The following ZNF644 variants were observed in gnomAD, a reference collection of about 807,000 sequenced individuals.
ZNF644 encodes the protein zinc finger protein 644.
In ZNF644, 20 loss-of-function variants were observed where a neutral mutation model predicts 108.0. That is an observed-to-expected ratio of 0.19 (90% CI 0.13 to 0.27). The LOEUF is 0.27. Among genes scored for constraint, ZNF644 ranks in the 10% least tolerant of loss-of-function variants. ZNF644 has a pLI of 1.00. For synonymous variants in ZNF644, 542 were observed against 539.1 expected, an observed-to-expected ratio of 1.01 and a Z score of -0.08; for missense variants, 1,338 against 1,548.9, an observed-to-expected ratio of 0.86 and a Z score of 2.29.
In ZNF644 at chr1:90,938,897, A is replaced by G. The variant is rs1431939313; in HGVS notation, c.2457T>C (p.Ser819=). 6.2e-7 allele frequency: 1 copy of G among 1,613,962 alleles called. No homozygotes were observed. The highest frequency in any genetic ancestry group is 1.7e-5 in the Admixed American group (1 of 60,012). The change falls in exon 3 of 6, where the codon AGT becomes AGC. Residue 819 remains serine (S), a synonymous_variant. Transcript: ENST00000337393. This position sits in a 1 kb window ranked among gnomAD's most constrained non-coding sequence, Gnocchi z 4.2. ...TATCCAAGTCTTCCCCTCCAACAGAACTTTCCTTCTTAGATTCCTTAATTA... is the reference window on the plus strand; with the variant it reads ...TATCCAAGTCTTCCCCTCCAACAGAGCTTTCCTTCTTAGATTCCTTAATTA... ...KRVIKESKKE[S]SVGGEDLDSY... is the part of the protein sequence containing the mutation.
At chr1:91,006,454 C>G (rs1014004558) in intron 1 of ZNF644, among the ~76,000 whole-genome samples, 1 of 152,120 alleles carries the variant, frequency 6.6e-6, no homozygotes. Context: ...TCCCTGGAAT[C>G]TGGGGAACAT....
chr1:90,931,728 C>T (rs959907249), intron 4 of ZNF644, among the ~76,000 whole-genome samples: 1 of 152,064 alleles, frequency 6.6e-6, no homozygotes, highest in Non-Finnish European at 1.5e-5. Context: ...TTTCCCCCAT[C>T]GGTTCCTTTT....
intron 2 of ZNF644, among the ~76,000 whole-genome samples, chr1:90,971,011 A>C (rs1655407336): frequency 6.6e-6 from 1 of 151,488 alleles, no homozygotes; most frequent in African/African-American, 2.4e-5. Flanking sequence ...AAAAAAAAAA[A>C]AAAAAAACAC....
At chr1:90,930,207 A>G (rs1415162190) in intron 4 of ZNF644, among the ~76,000 whole-genome samples, 1 of 152,118 alleles carries the variant, frequency 6.6e-6, no homozygotes, top group African/African-American at 2.4e-5. Flanking sequence ...AATCACTTGA[A>G]CCTGGGAGGC....
At chr1:90,917,060 T>G (rs556934611) in intron 5 of ZNF644, 70 bp from the exon 6 acceptor site, 1 of 1,481,980 alleles carries the variant, frequency 6.7e-7, no homozygotes, top group South Asian at 1.2e-5. Context: ...CACAAAATCC[T>G]AAAACATAAG....
intron 2 of ZNF644, among the ~76,000 whole-genome samples, chr1:90,977,176 T>C (rs1401869608): frequency 6.6e-6 from 1 of 152,116 alleles, no homozygotes; most frequent in Non-Finnish European, 1.5e-5. Context: ...GTAAAAGACA[T>C]CAGATTTTAA....
intron 1 of ZNF644, among the ~76,000 whole-genome samples, chr1:90,996,111 T>G (rs971127581): frequency 2.6e-5 from 4 of 152,174 alleles, no homozygotes; most frequent in African/African-American, 9.7e-5. Context: ...CAGTCACATT[T>G]GGAATCAGGG....
At position 90,950,292 on chromosome 1, in the gene ZNF644, A is replaced by AGGGGAGGGGAGGGGAGGGC. The variant is rs1557588188; in HGVS notation, c.45-8984_45-8983insGCCCTCCCCTCCCCTCCCC. On this transcript the variant is annotated intron_variant, in intron 2 of 5. Transcript: ENST00000337393. ...ATTCCATCTCAAGGGAAGGGAAGGG[A>AGGGGAGGGGAGGGGAGGGC]AGGGGAGGGGAGGGGACAAAAGAAA... Among the ~76,000 whole-genome samples the AGGGGAGGGGAGGGGAGGGC allele has an allele frequency of 9.8e-4, 2 of 2,036 alleles. 1 individual carries two copies. The highest frequency in any genetic ancestry group is 1.5e-3 in the Non-Finnish European group (2 of 1,334). The allele number at this position is 2,036 out of a possible 152,430, so 1.3% of individuals were successfully genotyped here. A position where few individuals can be genotyped will look rare whatever the true frequency, so the allele number is the denominator to read the frequency against.
intron 2 of ZNF644, among the ~76,000 whole-genome samples, chr1:90,947,388 G>T (rs1190630765): frequency 1.3e-5 from 2 of 152,210 alleles, no homozygotes; most frequent in Non-Finnish European, 2.9e-5. Flanking sequence ...CAAATATTTT[G>T]ACCACATTTG....
intron 1 of ZNF644, among the ~76,000 whole-genome samples, chr1:90,989,820 T>C (rs1486999951): frequency 2.0e-5 from 3 of 152,150 alleles, no homozygotes; most frequent in Non-Finnish European, 4.4e-5. Context: ...TCTGGGCATA[T>C]ACACAAAGAA....
chr1:91,002,018 G>T (rs905019524), intron 1 of ZNF644, among the ~76,000 whole-genome samples: 5 of 152,144 alleles, frequency 3.3e-5, no homozygotes, highest in Non-Finnish European at 5.9e-5. Flanking sequence ...ATTGCTCAAC[G>T]AAATAAAAGA....
chr1:90,941,108 T>C lies in ZNF644; in HGVS notation c.246A>G (p.Lys82=). ...GGCCTCCACTTAAGGCGTTTTCAGA[T>C]TTGTCCTTTGACAGTTCTTCAGGCA... The part of the protein sequence containing the change: ...LTLPEELSKD[K]SENALSGGQS... Residue 82 remains lysine (K), a synonymous_variant, in exon 3 of 6, where the codon AAA becomes AAG. Transcript: ENST00000337393. 6.2e-7 allele frequency: 1 copy of C among 1,614,140 alleles called. No individual in the cohort carries two copies. The highest frequency in any genetic ancestry group is 8.5e-7 in the Non-Finnish European group (1 of 1,179,972).
At chr1:90,993,757 G>T (rs1280633637) in intron 1 of ZNF644, among the ~76,000 whole-genome samples, 2 of 152,134 alleles carry the variant, frequency 1.3e-5, no homozygotes, top group Admixed American at 6.6e-5. Flanking sequence ...AAATCATTTT[G>T]TAAGTAATGT....
intron 1 of ZNF644, among the ~76,000 whole-genome samples, chr1:90,996,230 A>G (rs998145499): frequency 2.0e-5 from 3 of 152,368 alleles, no homozygotes; most frequent in African/African-American, 7.2e-5. Context: ...AAATAATTTA[A>G]AACTCCCAAA....
intron 4 of ZNF644, among the ~76,000 whole-genome samples, chr1:90,923,507 G>A (rs962986790): frequency 6.6e-6 from 1 of 152,066 alleles, no homozygotes; most frequent in Non-Finnish European, 1.5e-5. Context: ...AAAAAGCAAT[G>A]TTTCCCTTAC....
chr1:91,017,167 T>C lies in ZNF644; in HGVS notation c.-18+4823A>G, dbSNP rs1020692228. Among the ~76,000 whole-genome samples, 9 of 151,998 alleles carry C rather than the reference T, an allele frequency of 5.9e-5. No homozygotes were observed. In the South Asian group the frequency reaches 1.7e-3, roughly 28 times the overall value. On this transcript the variant is annotated intron_variant, in intron 1 of 5. Transcript: ENST00000337393. ...TATTTTAAAAGCTGTATTTTCAACT[T>C]AAAAAAAAGATACACATACCAAAAG... is the stretch of plus-strand genomic sequence containing the variant.
chr1:90,990,610 T>C (rs911931253), intron 1 of ZNF644, among the ~76,000 whole-genome samples: 8 of 151,956 alleles, frequency 5.3e-5, no homozygotes, highest in Admixed American at 3.9e-4. Context: ...CCTAAAGAAG[T>C]CATGAGGGCA....
rs577054598 is a variant in ZNF644 at position 90,935,629 on chromosome 1, T to C, written c.3688+1856A>G. 8 of 812,368 alleles carry C rather than the reference T, an allele frequency of 9.8e-6. No homozygotes were observed. In the East Asian group the frequency reaches 8.7e-4, roughly 89 times the overall value. The allele number at this position is 812,368 out of a possible 1,614,324, so 50.3% of individuals were successfully genotyped here. On this transcript the variant is annotated intron_variant, in intron 4 of 5. Transcript: ENST00000337393. ...AAAAGCACCACAATAAAGATGGTTT[T>C]CAAAACGTTCAATGAAATAGGTTAA...
intron 4 of ZNF644, among the ~76,000 whole-genome samples, chr1:90,920,963 C>G (rs866819718): frequency 6.6e-6 from 1 of 152,028 alleles, no homozygotes; most frequent in Middle Eastern, 3.4e-3. Flanking sequence ...TTTTCTAATG[C>G]CAATATCCAA....
Sources: allele counts gnomAD v4.1 joint callset (sites outside exome capture counted in the v4.1 genomes callset), GRCh38; gene constraint gnomAD v4.1.1; non-coding constraint Gnocchi (gnomAD v3.1); transcripts MANE v1.5; gene names NCBI Gene and HGNC (gene_info 2026-07-23, HGNC 2026-07-21).